The following NCOA2 variants were observed in gnomAD, a reference collection of about 807,000 sequenced individuals.
NCOA2 encodes the protein class E basic helix-loop-helix protein 75.
Under a neutral mutation model 145.1 loss-of-function variants are expected in NCOA2, and 21 were observed. That is an observed-to-expected ratio of 0.14 (90% CI 0.10 to 0.21). The LOEUF is 0.21. NCOA2 is among the 10% of genes least tolerant of loss of function. The probability of loss-of-function intolerance (pLI) is 1.00; values close to 1 mark genes in which losing one functional copy is unlikely to be tolerated. For synonymous variants in NCOA2, 619 were observed against 637.5 expected, an observed-to-expected ratio of 0.97 and a Z score of 0.44; for missense variants, 1,472 against 1,837.6, an observed-to-expected ratio of 0.80 and a Z score of 3.64.
intron 22 of NCOA2, among the ~76,000 whole-genome samples, chr8:70,120,259 A>G (rs185269477): frequency 1.1e-3 from 168 of 152,322 alleles, no homozygotes; most frequent in Non-Finnish European, 1.4e-3. Flanking sequence ...GTGAAGGGTA[A>G]TATCTCTTAC....
intron 1 of NCOA2, among the ~76,000 whole-genome samples, chr8:70,401,206 A>T (rs1209660768): frequency 6.6e-6 from 1 of 152,220 alleles, no homozygotes; most frequent in Non-Finnish European, 1.5e-5. Context: ...AGAGAATCAA[A>T]GACCTCTGTT....
At chr8:70,381,531 C>T (rs915192175) in intron 1 of NCOA2, among the ~76,000 whole-genome samples, 1 of 152,142 alleles carries the variant, frequency 6.6e-6, no homozygotes, top group Non-Finnish European at 1.5e-5. Context: ...TACATAAGCA[C>T]TAATATTAAT....
intron 2 of NCOA2, among the ~76,000 whole-genome samples, chr8:70,232,450 T>C (rs576848017): frequency 4.6e-5 from 7 of 152,324 alleles, no homozygotes; most frequent in Admixed American, 6.5e-5. Context: ...GCTTGTTCTA[T>C]TGACCTCAAC....
intron 1 of NCOA2, among the ~76,000 whole-genome samples, chr8:70,319,069 C>T (rs961195010): frequency 3.3e-5 from 5 of 152,300 alleles, no homozygotes; most frequent in African/African-American, 1.2e-4. Context: ...CATTAACATT[C>T]ACGCCTTTCC....
the NCOA2 span, among the ~76,000 whole-genome samples, chr8:70,415,623 G>A: frequency 1.3e-5 from 2 of 152,164 alleles, no homozygotes; most frequent in African/African-American, 4.8e-5. Context: ...TTGGGTGACT[G>A]TGACCAGAAA....
intron 15 of NCOA2, 146 bp from the exon 16 acceptor site, chr8:70,132,148 C>A: frequency 1.3e-6 from 1 of 790,444 alleles, no homozygotes. Context: ...AACAAAAGGA[C>A]AGTCTGAAAT....
chr8:70,343,515 G>A (rs1808329358), intron 1 of NCOA2, among the ~76,000 whole-genome samples: 1 of 151,656 alleles, frequency 6.6e-6, no homozygotes, highest in Admixed American at 6.6e-5. Flanking sequence ...TCAGAGTTAA[G>A]GAAAAGTGAA....
chr8:70,323,620 G>A (rs1434681417), intron 1 of NCOA2, among the ~76,000 whole-genome samples: 1 of 151,800 alleles, frequency 6.6e-6, no homozygotes, highest in Admixed American at 6.6e-5. Context: ...TTGAAGGGGG[G>A]GAGATTATTG....
chr8:70,119,671 A>G (rs1439675762), intron 22 of NCOA2, among the ~76,000 whole-genome samples: 1 of 152,150 alleles, frequency 6.6e-6, no homozygotes, highest in Non-Finnish European at 1.5e-5. Context: ...ACAGTGTATG[A>G]GAGTTCCCTT....
In NCOA2 at chr8:70,111,536, G is replaced by A; in HGVS notation, c.*2096C>T. The A allele has an allele frequency of 4.6e-6, 1 of 216,896 alleles. No homozygotes were observed. The highest frequency in any genetic ancestry group is 9.3e-6 in the Non-Finnish European group (1 of 107,852). The allele number at this position is 216,896 out of a possible 1,614,324, so 13.4% of individuals were successfully genotyped here. A position where few individuals can be genotyped will look rare whatever the true frequency, so the allele number is the denominator to read the frequency against. ...TGGAGAAAAGTAGAGCCTTTTGAGG[G>A]GATATATGAACTGGTGGCCACTGAG... is the stretch of plus-strand genomic sequence containing the variant. On this transcript the variant is annotated 3_prime_UTR_variant, in exon 23 of 23. Transcript: ENST00000452400.
intron 1 of NCOA2, among the ~76,000 whole-genome samples, chr8:70,383,495 T>TA (rs199897028): frequency 0.033 from 4,028 of 122,626 alleles, 166 homozygotes; most frequent in African/African-American, 0.15. Flanking sequence ...ATCATCCTAG[T>TA]TTTTTTTGTT....
At chr8:70,347,090 A>G (rs1286481971) in intron 1 of NCOA2, among the ~76,000 whole-genome samples, 2 of 152,210 alleles carry the variant, frequency 1.3e-5, no homozygotes, top group Middle Eastern at 3.2e-3. Flanking sequence ...AAACTACGAT[A>G]GTGGGATTTA....
At position 70,270,619 on chromosome 8, in the gene NCOA2, T is replaced by G. The variant is rs533755035; in HGVS notation, c.-20+26125A>C. On this transcript the variant is annotated intron_variant, in intron 2 of 22. Coordinates refer to ENST00000452400, the MANE Select transcript of NCOA2 (RefSeq NM_006540.4). Reference sequence around the variant, plus strand: ...CAGTGGCCACTATAATCCCATTATTTGTTATATAAATGTATTGTTTTCTTT... The same window carrying G: ...CAGTGGCCACTATAATCCCATTATTGGTTATATAAATGTATTGTTTTCTTT... Among the ~76,000 whole-genome samples, 3 of 152,268 alleles carry G rather than the reference T, an allele frequency of 2.0e-5. No homozygotes were observed. The South Asian group carries it at 6.2e-4, about 32-fold the overall frequency.
At chr8:70,300,441 A>G (rs1040046131) in intron 1 of NCOA2, among the ~76,000 whole-genome samples, 1 of 152,192 alleles carries the variant, frequency 6.6e-6, no homozygotes, top group Non-Finnish European at 1.5e-5. Flanking sequence ...ATCTAAGGGT[A>G]AAGGTAGTTC....
At chr8:70,248,355 T>C (rs983848928) in intron 2 of NCOA2, among the ~76,000 whole-genome samples, 2 of 152,230 alleles carry the variant, frequency 1.3e-5, no homozygotes, top group Admixed American at 1.3e-4. Flanking sequence ...CAAAGTTCTC[T>C]TGTGCCTGTT....
In NCOA2 at chr8:70,157,245, A is replaced by T; in HGVS notation, c.1125-5T>A. 6.6e-7 allele frequency: 1 copy of T among 1,506,106 alleles called. No homozygotes were observed. Among genetic ancestry groups the T allele is most frequent in the South Asian group, 1.4e-5 (1 of 71,332 alleles). 93.3% of individuals were successfully genotyped at this position (1,506,106 alleles called of 1,614,324 possible). A position where few individuals can be genotyped will look rare whatever the true frequency, so the allele number is the denominator to read the frequency against. On this transcript the variant is annotated splice_region_variant and splice_polypyrimidine_tract_variant and intron_variant, in intron 10 of 22. Transcript: ENST00000452400. Reference sequence around the variant, plus strand: ...ATCACACACACATTCTGCTCTCTGTATAACGAGAAAAGAAAAAAATGTAAG... The same window carrying T: ...ATCACACACACATTCTGCTCTCTGTTTAACGAGAAAAGAAAAAAATGTAAG...
intron 2 of NCOA2, among the ~76,000 whole-genome samples, chr8:70,234,756 T>C (rs143338329): frequency 1.3e-5 from 2 of 152,318 alleles, no homozygotes; most frequent in East Asian, 3.9e-4. Context: ...GTTATGAACC[T>C]CTCTGAGTAC....
intron 22 of NCOA2, among the ~76,000 whole-genome samples, chr8:70,115,058 T>A (rs1187638204): frequency 6.6e-6 from 1 of 152,236 alleles, no homozygotes; most frequent in South Asian, 2.1e-4. Flanking sequence ...TGATTTCATA[T>A]AAAAACACTC....
At chr8:70,176,257 CA>C (rs1814836392) in intron 4 of NCOA2, among the ~76,000 whole-genome samples, 1 of 152,196 alleles carries the variant, frequency 6.6e-6, no homozygotes, top group Non-Finnish European at 1.5e-5. Context: ...TTATCATAAG[CA>C]GACTGTATCT....
Sources: allele counts gnomAD v4.1 joint callset (sites outside exome capture counted in the v4.1 genomes callset), GRCh38; gene constraint gnomAD v4.1.1; transcripts MANE v1.5; gene names NCBI Gene and HGNC (gene_info 2026-07-23, HGNC 2026-07-21).